KIAA1755: variants seen among roughly 807,000 people sequenced by gnomAD.
The protein encoded by KIAA1755 is uncharacterized protein KIAA1755.
Under a neutral mutation model 91.7 loss-of-function variants are expected in KIAA1755, and 68 were observed. The observed-to-expected ratio is 0.74, with a 90% CI of 0.61 to 0.91. The LOEUF is 0.91. KIAA1755 is among the 40% of genes least tolerant of loss of function. The pLI is 0.00. For synonymous variants in KIAA1755, 610 were observed against 604.6 expected (o/e 1.01, Z -0.13); for missense variants, 1,535 against 1,494.4 (o/e 1.03, Z -0.45).
At position 38,252,218 on chromosome 20, in the gene KIAA1755, G is replaced by C. The variant is rs375207281; in HGVS notation, c.4-6092C>G. On this transcript the variant is annotated intron_variant, in intron 1 of 13. Transcript: ENST00000279024. The stretch of plus-strand genomic sequence containing the variant: ...TACAGGGTCTTGGGGAAAGTCAAAG[G>C]CATGGCCGCTGCTGTTATTGCTATT... Among the ~76,000 whole-genome samples the C allele has an allele frequency of 1.2e-4, 18 of 152,092 alleles. 1 individual carries two copies.
At chr20:38,238,480 C>T (rs893845990) in intron 4 of KIAA1755, among the ~76,000 whole-genome samples, 5 of 152,182 alleles carry the variant, frequency 3.3e-5, no homozygotes, top group African/African-American at 1.2e-4. Context: ...AACTCTTCAC[C>T]TGGATAATTC....
chr20:38,247,514 G>A lies in KIAA1755; in HGVS notation c.4-1388C>T, dbSNP rs116675903. ...TGGGTGCCCCCAACTACCCCAGGGAGATCAGGTGTCCCCTTTTCTGGGATC... is the reference window on the plus strand; with the variant it reads ...TGGGTGCCCCCAACTACCCCAGGGAAATCAGGTGTCCCCTTTTCTGGGATC... On this transcript the variant is annotated intron_variant, in intron 1 of 13. Coordinates refer to ENST00000279024, the MANE Select transcript of KIAA1755 (RefSeq NM_001029864.2). 3.6e-3 allele frequency among the ~76,000 whole-genome samples: 550 copies of A among 152,306 alleles called. 6 individuals are homozygous for A. The highest frequency in any genetic ancestry group is 0.012 in the African/African-American group (517 of 41,558).
At chr20:38,238,754 G>T (rs1475648380) in intron 4 of KIAA1755, among the ~76,000 whole-genome samples, 1 of 152,214 alleles carries the variant, frequency 6.6e-6, no homozygotes, top group Non-Finnish European at 1.5e-5. Flanking sequence ...CTAAGCCCAG[G>T]AACCAGTAAA....
chr20:38,244,250 CA>C (rs1452245403), intron 2 of KIAA1755, among the ~76,000 whole-genome samples: 1 of 152,180 alleles, frequency 6.6e-6, no homozygotes, highest in East Asian at 1.9e-4. Flanking sequence ...GGAGCATCTG[CA>C]TGAAATAGTG....
At position 38,240,895 on chromosome 20, in the gene KIAA1755, C is replaced by T. The variant is rs1223033977; in HGVS notation, c.1236G>A (p.Gln412=). The change falls in exon 3 of 14, where the codon CAG becomes CAA. Residue 412 remains glutamine (Q), a synonymous_variant. Transcript: ENST00000279024. ...AGGCTTGTCTTGGTCCAGGCCTGAG[C>T]TGCACCATATTCTCTGGGTTTCCTA... ...GPLGNPENMV[Q]LRPGPRQASS... is the part of the protein sequence containing the mutation. 15 of 1,614,022 alleles carry T rather than the reference C, an allele frequency of 9.3e-6. No homozygotes were observed. The highest frequency in any genetic ancestry group is 5.0e-5 in the Admixed American group (3 of 60,004).
Position 38,223,487 on chromosome 20 carries a change from T to C in KIAA1755, c.2268+51A>G, listed in dbSNP as rs2075698363. ...TCCCCTTCTCGAAGCCCTTGGTCCA[T>C]GGGGTCTGGGGTGTGATGTAGCTTC... On this transcript the variant is annotated intron_variant, in intron 9 of 13. Transcript: ENST00000279024. 3.9e-6 allele frequency: 5 copies of C among 1,292,194 alleles called. No homozygotes were observed. The South Asian group carries it at 4.4e-5, about 11-fold the overall frequency. The allele number at this position is 1,292,194 out of a possible 1,614,324, so 80.0% of individuals were successfully genotyped here.
intron 3 of KIAA1755, among the ~76,000 whole-genome samples, 180 bp from the exon 4 acceptor site, chr20:38,239,905 T>G (rs1449422146): frequency 6.6e-6 from 1 of 152,102 alleles, no homozygotes; most frequent in Non-Finnish European, 1.5e-5. Flanking sequence ...ACCTCACTTT[T>G]TTTTCTTTAG....
In KIAA1755 at chr20:38,241,543, GGCA is replaced by G; in HGVS notation, c.585_587del (p.Ala196del). Reference sequence around the variant, plus strand: ...GAAGGGGCCCCCAGGCTTGGCAGAGGGCATTCACTACTTGGGGTCTGTCATCCA... The same window carrying G: ...GAAGGGGCCCCCAGGCTTGGCAGAGGTTCACTACTTGGGGTCTGTCATCCA... On this transcript the variant is annotated inframe_deletion, in exon 3 of 14. Transcript: ENST00000279024. 1 of 1,614,236 alleles carries G rather than the reference GGCA, an allele frequency of 6.2e-7. No individual in the cohort carries two copies. Among genetic ancestry groups the G allele is most frequent in the South Asian group, 1.1e-5 (1 of 91,086 alleles).
intron 13 of KIAA1755, 118 bp from the exon 14 acceptor site, chr20:38,213,861 T>G: frequency 1.5e-6 from 1 of 650,832 alleles, no homozygotes; most frequent in Non-Finnish European, 2.5e-6. Context: ...TCTTCTCCAC[T>G]GACCATGATG....
intron 5 of KIAA1755, among the ~76,000 whole-genome samples, chr20:38,230,832 G>A (rs2075847922): frequency 6.6e-6 from 1 of 151,290 alleles, no homozygotes. Flanking sequence ...AGATTGCAGT[G>A]AGCTGAGATT....
chr20:38,231,350 G>C, intron 4 of KIAA1755, 25 bp from the exon 5 acceptor site: 1 of 1,591,032 alleles, frequency 6.3e-7, no homozygotes, highest in Non-Finnish European at 8.5e-7. Context: ...GCACACGTGA[G>C]CAGTGAGAAC....
chr20:38,225,752 G>T lies in KIAA1755; in HGVS notation c.2082C>A (p.Leu694=). 1 of 1,596,218 alleles carries T rather than the reference G, an allele frequency of 6.3e-7. No individual in the cohort carries two copies. Among genetic ancestry groups the T allele is most frequent in the South Asian group, 1.1e-5 (1 of 87,810 alleles). ...GCTGGCTGGGGTCCACATGGTGGCT[G>T]AGGGCCTTCAATGAGGTCAGCACCT... The part of the protein sequence containing the change: ...QVEVLTSLKA[L]SHHVDPSQLP... Residue 694 remains leucine, a synonymous_variant, in exon 8 of 14, where the codon CTC becomes CTA. Coordinates refer to ENST00000279024, the MANE Select transcript of KIAA1755 (RefSeq NM_001029864.2).
chr20:38,225,403 G>T, intron 8 of KIAA1755: 1 of 484,800 alleles, frequency 2.1e-6, no homozygotes, highest in Admixed American at 3.8e-5. Context: ...ATTATCCCCT[G>T]TTTAGCTGAT....
chr20:38,232,656 A>G (rs1049278633), intron 4 of KIAA1755, among the ~76,000 whole-genome samples: 2 of 151,530 alleles, frequency 1.3e-5, no homozygotes, highest in Middle Eastern at 3.4e-3. Context: ...ATTTGTGTGT[A>G]TATAAATGTG....
rs1223398196 is a variant in KIAA1755, at chr20:38,213,547, A to T, written c.3098T>A (p.Leu1033Gln). ...ATGCCTGATCCGGGCCTCCTCCCAT[A>T]GCTCCTGGCCCAGGCCTGCCCGGCT... ...SLSRAGLGQE[L>Q]WEEARIRHEE... is the part of the protein sequence containing the mutation. Residue 1033 changes from leucine (L) to glutamine (Q), a missense_variant, in exon 14 of 14, where the codon CTA becomes CAA. Leu to Gln is a moderately radical substitution (Grantham distance 113, BLOSUM62 -2). Coordinates refer to ENST00000279024, the MANE Select transcript of KIAA1755 (RefSeq NM_001029864.2). The T allele has an allele frequency of 6.2e-7, 1 of 1,609,190 alleles. No homozygotes were observed. Among genetic ancestry groups the T allele is most frequent in the Non-Finnish European group, 8.5e-7 (1 of 1,177,828 alleles).
At chr20:38,220,348 C>A (rs2123083707) in intron 10 of KIAA1755, among the ~76,000 whole-genome samples, 1 of 145,162 alleles carries the variant, frequency 6.9e-6, no homozygotes, top group East Asian at 2.0e-4. Flanking sequence ...GTCACCCAGG[C>A]TGGTCACCCA....
chr20:38,248,151 C>T (rs1216605943), intron 1 of KIAA1755, among the ~76,000 whole-genome samples: 2 of 152,192 alleles, frequency 1.3e-5, no homozygotes, highest in East Asian at 1.9e-4. Flanking sequence ...ATTGCTTGAA[C>T]CTGGGAGATG....
chr20:38,213,195 G>T lies in KIAA1755; in HGVS notation c.3450C>A (p.Arg1150=), dbSNP rs748678943. The part of the protein sequence containing the change: ...KGSHKLPDPA[R]EHLLATTFFR... ...AGAAGGTGGTGGCAAGCAAATGCTCGCGGGCAGGGTCAGGCAGCTTGTGGG... is the reference window on the plus strand; with the variant it reads ...AGAAGGTGGTGGCAAGCAAATGCTCTCGGGCAGGGTCAGGCAGCTTGTGGG... Residue 1150 remains arginine (R), a synonymous_variant, in exon 14 of 14, where the codon CGC becomes CGA. Transcript: ENST00000279024. The T allele has an allele frequency of 1.9e-6, 3 of 1,613,574 alleles. No individual in the cohort carries two copies. The highest frequency in any genetic ancestry group is 2.5e-6 in the Non-Finnish European group (3 of 1,180,016).
intron 1 of KIAA1755, among the ~76,000 whole-genome samples, chr20:38,253,742 C>G (rs1170921876): frequency 6.6e-6 from 1 of 152,194 alleles, no homozygotes; most frequent in African/African-American, 2.4e-5. Flanking sequence ...TCCAAACATT[C>G]CGTAACCAGC....
Sources: allele counts gnomAD v4.1 joint callset (sites outside exome capture counted in the v4.1 genomes callset), GRCh38; gene constraint gnomAD v4.1.1; transcripts MANE v1.5; gene names NCBI Gene and HGNC (gene_info 2026-07-23, HGNC 2026-07-21).